Variants in MCM6 observed in about 807,000 individuals in gnomAD.
MCM6 encodes DNA replication licensing factor MCM6.
In MCM6, 46 loss-of-function variants were observed where a neutral mutation model predicts 94.3. That is an observed-to-expected ratio of 0.49 (90% CI 0.39 to 0.62). The LOEUF (loss-of-function observed/expected upper bound fraction) is 0.62, where lower values mean the gene tolerates loss of function less well. Ranked by LOEUF, MCM6 falls within the 20% of genes least tolerant of loss-of-function variation. The pLI is 0.00. For synonymous variants in MCM6, 335 were observed against 351.9 expected (o/e 0.95, Z 0.54); for missense variants, 865 against 1,017.9 (o/e 0.85, Z 2.04).
At chr2:135,842,298 A>G (rs1679587700) in intron 16 of MCM6, among the ~76,000 whole-genome samples, 1 of 151,930 alleles carries the variant, frequency 6.6e-6, no homozygotes, top group Non-Finnish European at 1.5e-5. Context: ...CTGTTCTTAC[A>G]CCTCCCTACC....
At chr2:135,855,635 G>A (rs1368026573) in intron 11 of MCM6, among the ~76,000 whole-genome samples, 2 of 152,138 alleles carry the variant, frequency 1.3e-5, no homozygotes, top group Non-Finnish European at 2.9e-5. Context: ...CACTGCCTGG[G>A]TGACAGAGTA....
intron 13 of MCM6, among the ~76,000 whole-genome samples, chr2:135,850,999 C>A (rs1252995352): frequency 6.6e-6 from 1 of 152,176 alleles, no homozygotes; most frequent in African/African-American, 2.4e-5. Flanking sequence ...TCGTGGAATG[C>A]AGGGCTCAAA....
At chr2:135,867,765 C>A (rs780522729) in intron 4 of MCM6, among the ~76,000 whole-genome samples, 1 of 152,116 alleles carries the variant, frequency 6.6e-6, no homozygotes, top group Non-Finnish European at 1.5e-5. Context: ...CAGTGGCTCA[C>A]GCCTGTATCC....
At chr2:135,868,977 A>G in intron 3 of MCM6, 117 bp from the exon 4 acceptor site, 1 of 1,008,868 alleles carries the variant, frequency 9.9e-7, no homozygotes, top group South Asian at 1.6e-5. Context: ...TCAAGAGACA[A>G]GGTATTCTTT....
intron 16 of MCM6, among the ~76,000 whole-genome samples, chr2:135,843,623 C>T (rs1650343796): frequency 6.6e-6 from 1 of 150,992 alleles, no homozygotes; most frequent in South Asian, 2.1e-4. Flanking sequence ...GCCTGTAATC[C>T]TACTTGGGAG....
In MCM6 at chr2:135,872,858, G is replaced by A. The variant is rs766644436; in HGVS notation, c.108-15C>T. The stretch of plus-strand genomic sequence containing the variant: ...TGCTCTGAAACCTGCAGGTACATTC[G>A]AGTCAACTAGATTAAGGACACAGGC... On this transcript the variant is annotated splice_polypyrimidine_tract_variant and intron_variant, in intron 1 of 16. Transcript: ENST00000264156. The A allele has an allele frequency of 2.6e-5, 42 of 1,612,822 alleles. No homozygotes were observed. Among genetic ancestry groups the A allele is most frequent in the Admixed American group, 1.7e-5 (1 of 59,902 alleles).
rs987514519 is a variant in MCM6, at chr2:135,844,487, T to C, written c.2349+58A>G. On this transcript the variant is annotated intron_variant, in intron 16 of 16. Transcript: ENST00000264156. Reference sequence around the variant, plus strand: ...AAAATTTCACTAGTGAACCTGCAGATACAGGGCATGAACTCCCTCCCTCCC... The same window carrying C: ...AAAATTTCACTAGTGAACCTGCAGACACAGGGCATGAACTCCCTCCCTCCC... The C allele has an allele frequency of 3.7e-6, 5 of 1,369,604 alleles. No homozygotes were observed. In the African/African-American group the frequency reaches 7.4e-5, roughly 20 times the overall value. 84.8% of individuals were successfully genotyped at this position (1,369,604 alleles called of 1,614,324 possible).
Position 135,858,023 on chromosome 2 carries a change from A to G in MCM6, c.1363-19T>C, listed in dbSNP as rs1227238601. 4.4e-6 allele frequency: 7 copies of G among 1,605,392 alleles called. No homozygotes were observed. Among genetic ancestry groups the G allele is most frequent in the African/African-American group, 1.3e-5 (1 of 74,768 alleles). ...ACACACCCTGTAACCAAACAAATCAAGCCTAAGAAGCTGTCTTTCAAGCTG... is the reference window on the plus strand; with the variant it reads ...ACACACCCTGTAACCAAACAAATCAGGCCTAAGAAGCTGTCTTTCAAGCTG... On this transcript the variant is annotated intron_variant, in intron 9 of 16. Transcript: ENST00000264156.
At chr2:135,856,113 A>G (rs1679869175) in intron 11 of MCM6, among the ~76,000 whole-genome samples, 1 of 152,152 alleles carries the variant, frequency 6.6e-6, no homozygotes, top group Admixed American at 6.5e-5. Flanking sequence ...TAAAAGCCCA[A>G]TCAACAAAAC....
chr2:135,872,452 A>C (rs1456955767), intron 2 of MCM6, among the ~76,000 whole-genome samples: 3 of 151,500 alleles, frequency 2.0e-5, no homozygotes, highest in African/African-American at 7.3e-5. Context: ...TCCGTCTCAA[A>C]AAACAAACAA....
intron 11 of MCM6, among the ~76,000 whole-genome samples, chr2:135,853,747 A>T (rs1450573877): frequency 1.4e-5 from 2 of 147,062 alleles, no homozygotes; most frequent in East Asian, 4.0e-4. Flanking sequence ...AAAAAAAAAG[A>T]CCCCAAAATA....
chr2:135,874,065 T>A (rs1035470153), intron 1 of MCM6, among the ~76,000 whole-genome samples: 1 of 152,166 alleles, frequency 6.6e-6, no homozygotes, highest in African/African-American at 2.4e-5. Context: ...CCACAAGCAA[T>A]GGTGAATTAA....
intron 1 of MCM6, among the ~76,000 whole-genome samples, chr2:135,875,294 A>G (rs1378027153): frequency 6.6e-6 from 1 of 151,606 alleles, no homozygotes; most frequent in East Asian, 1.9e-4. Context: ...AACCCGGGAG[A>G]CGGAGGTTGC....
In MCM6 at chr2:135,876,257, A is replaced by C; in HGVS notation, c.107+2T>G. ...CGAGGCCCGGGGCGCTCGCCGACTT[A>C]CTCCTCCAAGAAGTCCAGGAACAGT... On this transcript the variant is annotated splice_donor_variant, in intron 1 of 16. Transcript: ENST00000264156. LOFTEE classifies it high-confidence loss of function. 1 of 1,594,334 alleles carries C rather than the reference A, an allele frequency of 6.3e-7. No individual in the cohort carries two copies. The highest frequency in any genetic ancestry group is 8.5e-7 in the Non-Finnish European group (1 of 1,173,764).
intron 12 of MCM6, 54 bp from the exon 13 acceptor site, chr2:135,851,617 C>T (rs908435608): frequency 6.8e-5 from 99 of 1,456,780 alleles, no homozygotes; most frequent in Non-Finnish European, 6.4e-5. Flanking sequence ...ATGAGAGCTA[C>T]GGTAAACCTA....
intron 16 of MCM6, among the ~76,000 whole-genome samples, chr2:135,843,745 AAAAC>A (rs1558753171): frequency 2.0e-5 from 3 of 150,632 alleles, no homozygotes; most frequent in African/African-American, 7.3e-5. Context: ...AAAAAAAAAA[AAAAC>A]AAAACCATTC....
In MCM6 at chr2:135,856,805, T is replaced by G. The variant is rs779788267; in HGVS notation, c.1549A>C (p.Lys517Gln). ...SGHYDRSKSL[K>Q]QNINLSAPIM... ...GGAGCTGACAAATTTATATTCTGTT[T>G]CAATGATTTTGATCTGTCATAGTGT... is the stretch of plus-strand genomic sequence containing the variant. The change falls in exon 11 of 17, where the codon AAA (lysine) becomes CAA (glutamine). Residue 517 changes from lysine to glutamine, a missense_variant. Lys to Gln is a moderately conservative substitution (Grantham distance 53, BLOSUM62 1). This residue lies in a region of MCM6 where 153 missense variants were observed against 241.5 expected (regional missense o/e 0.63). Transcript: ENST00000264156. 1 of 1,614,202 alleles carries G rather than the reference T, an allele frequency of 6.2e-7. No homozygotes were observed. The highest frequency in any genetic ancestry group is 1.7e-5 in the Admixed American group (1 of 60,034).
chr2:135,843,481 C>T (rs1679609694), intron 16 of MCM6, among the ~76,000 whole-genome samples: 1 of 151,920 alleles, frequency 6.6e-6, no homozygotes, highest in South Asian at 2.1e-4. Flanking sequence ...GCCTGTAATC[C>T]CAGCAGTTTG....
chr2:135,876,424 T>C lies in MCM6; in HGVS notation c.-59A>G. Reference sequence around the variant, plus strand: ...GCTCGACCGCCACAAGTCGCTTTTTTCCAGACGCTGCAGCTTTGCGCGCGC... The same window carrying C: ...GCTCGACCGCCACAAGTCGCTTTTTCCCAGACGCTGCAGCTTTGCGCGCGC... On this transcript the variant is annotated 5_prime_UTR_variant, in exon 1 of 17. Transcript: ENST00000264156. 3 of 1,439,308 alleles carry C rather than the reference T, an allele frequency of 2.1e-6. No homozygotes were observed. Among genetic ancestry groups the C allele is most frequent in the Non-Finnish European group, 2.8e-6 (3 of 1,068,644 alleles). The allele number at this position is 1,439,308 out of a possible 1,614,324, so 89.2% of individuals were successfully genotyped here.
Sources: gnomAD v4.1 joint callset for allele counts (sites outside exome capture counted in the v4.1 genomes callset) on GRCh38, gnomAD v4.1.1 for gene constraint, gnomAD v4.1.1 regional missense constraint, MANE v1.5 for transcripts, NCBI Gene and HGNC (gene_info 2026-07-23, HGNC 2026-07-21) for gene names.